The following ATP8A2 variants were observed in gnomAD, a reference collection of about 807,000 sequenced individuals.
ATP8A2 encodes the protein phospholipid-transporting ATPase IB.
In ATP8A2, 100 loss-of-function variants were observed where a neutral mutation model predicts 165.6. That is an observed-to-expected ratio of 0.60 (90% CI 0.51 to 0.71). ATP8A2 has a LOEUF of 0.71. ATP8A2 is among the 30% of genes least tolerant of loss of function. The pLI, the probability that ATP8A2 is intolerant of heterozygous loss-of-function variation, is 0.00. For synonymous variants in ATP8A2, 543 were observed against 548.8 expected, an observed-to-expected ratio of 0.99 and a Z score of 0.15; for missense variants, 1,227 against 1,479.5, an observed-to-expected ratio of 0.83 and a Z score of 2.80.
At chr13:25,876,225 G>T (rs1163835666) in intron 33 of ATP8A2, among the ~76,000 whole-genome samples, 9 of 152,220 alleles carry the variant, frequency 5.9e-5, no homozygotes, top group African/African-American at 2.2e-4. Flanking sequence ...GGCTGAAAGT[G>T]AAGGGTGGAT....
chr13:25,522,666 T>C (rs1236087013), intron 2 of ATP8A2, among the ~76,000 whole-genome samples: 1 of 152,248 alleles, frequency 6.6e-6, no homozygotes, highest in East Asian at 1.9e-4. Context: ...ACTAAAATGA[T>C]CACATGGTTT....
chr13:25,838,234 C>T (rs1017835805), intron 29 of ATP8A2, among the ~76,000 whole-genome samples: 3 of 152,196 alleles, frequency 2.0e-5, no homozygotes, highest in Non-Finnish European at 4.4e-5. Context: ...AGAGAACAGT[C>T]TCCCAGGGCC....
chr13:25,430,513 G>A (rs1400066375), intron 1 of ATP8A2, among the ~76,000 whole-genome samples: 3 of 152,176 alleles, frequency 2.0e-5, no homozygotes, highest in Non-Finnish European at 4.4e-5. Flanking sequence ...CACTGTAGTC[G>A]ACTGAGGAGT....
chr13:26,011,672 A>T (rs942093488), intron 35 of ATP8A2, among the ~76,000 whole-genome samples: 1 of 152,132 alleles, frequency 6.6e-6, no homozygotes, highest in Non-Finnish European at 1.5e-5. Context: ...GGTGGCTCAC[A>T]CCTGTAATCC....
At chr13:25,961,836 C>T (rs1270559847) in intron 34 of ATP8A2, among the ~76,000 whole-genome samples, 173 bp downstream of exon 34, 1 of 152,150 alleles carries the variant, frequency 6.6e-6, no homozygotes, top group African/African-American at 2.4e-5. Context: ...TGTGCTTCAT[C>T]TTGATATGAA....
rs558812849 is a variant in ATP8A2 at position 25,522,700 on chromosome 13, A to G, written c.222-7299A>G. On this transcript the variant is annotated intron_variant, in intron 2 of 36. Coordinates refer to ENST00000381655, the MANE Select transcript of ATP8A2 (RefSeq NM_016529.6). ...TTTTGTTCTTGGTTCTGTTAATGTC[A>G]TATATCACATTTATAGATTTGTATA... Among the ~76,000 whole-genome samples the G allele has an allele frequency of 2.0e-5, 3 of 152,322 alleles. No individual in the cohort carries two copies. In the South Asian group the frequency reaches 6.2e-4, roughly 32 times the overall value.
At chr13:25,702,441 G>A (rs1353094799) in intron 25 of ATP8A2, among the ~76,000 whole-genome samples, 4 of 152,102 alleles carry the variant, frequency 2.6e-5, no homozygotes, top group Admixed American at 6.5e-5. Flanking sequence ...TCCTAGAGAG[G>A]GCATATATAG....
At chr13:25,840,515 T>C (rs1387633795) in intron 30 of ATP8A2, among the ~76,000 whole-genome samples, 2 of 152,346 alleles carry the variant, frequency 1.3e-5, no homozygotes, top group Non-Finnish European at 2.9e-5. Context: ...CCACGTGATA[T>C]AGTCTTTCAA....
At chr13:25,591,263 C>T in intron 24 of ATP8A2, 1 of 456,488 alleles carries the variant, frequency 2.2e-6, no homozygotes, top group South Asian at 1.5e-5. Context: ...GAACTCTTTT[C>T]ATCTTCCCAA....
At chr13:25,902,869 ATGTCTGTGGTCTTT>A (rs1953801006) in intron 33 of ATP8A2, among the ~76,000 whole-genome samples, 1 of 151,380 alleles carries the variant, frequency 6.6e-6, no homozygotes, top group Non-Finnish European at 1.5e-5. Context: ...TTCCTCCTAA[ATGTCTGTGGTCTTT>A]CGGTCCCTGA....
At chr13:25,508,720 T>C (rs573071222) in intron 2 of ATP8A2, among the ~76,000 whole-genome samples, 1 of 152,368 alleles carries the variant, frequency 6.6e-6, no homozygotes, top group African/African-American at 2.4e-5. Flanking sequence ...CTTACATATT[T>C]GTATTAGATG....
In ATP8A2 at chr13:25,526,804, A is replaced by G. The variant is rs983315719; in HGVS notation, c.222-3195A>G. Among the ~76,000 whole-genome samples, 29 of 152,082 alleles carry G rather than the reference A, an allele frequency of 1.9e-4. 1 individual carries two copies. The highest frequency in any genetic ancestry group is 6.3e-3 in the Middle Eastern group (2 of 316). ...ACTTTGTCTCTGGCTGTCCCCAGGG[A>G]TATTTCTTCCTTCAAGCACTCCCCA... On this transcript the variant is annotated intron_variant, in intron 2 of 36. Transcript: ENST00000381655.
intron 2 of ATP8A2, among the ~76,000 whole-genome samples, chr13:25,474,390 T>C (rs2035933919): frequency 6.6e-6 from 1 of 151,898 alleles, no homozygotes; most frequent in African/African-American, 2.4e-5. Flanking sequence ...TGAAACCCCG[T>C]CTCTACTAAA....
chr13:25,414,611 A>C (rs560603902), intron 1 of ATP8A2, among the ~76,000 whole-genome samples: 3 of 152,346 alleles, frequency 2.0e-5, no homozygotes, highest in East Asian at 3.9e-4. Flanking sequence ...ACGTCATACT[A>C]ACCAGTCCCT....
chr13:25,441,953 T>C (rs2034942299), intron 1 of ATP8A2, among the ~76,000 whole-genome samples: 1 of 152,218 alleles, frequency 6.6e-6, no homozygotes, highest in Non-Finnish European at 1.5e-5. Context: ...TTCCACTTTC[T>C]GTCTCTAAGA....
At chr13:25,827,973 A>G (rs183448068) in intron 27 of ATP8A2, 145 bp from the exon 28 acceptor site, 210 of 647,704 alleles carry the variant, frequency 3.2e-4, no homozygotes, top group Middle Eastern at 3.0e-3. Flanking sequence ...TGTTTTATAA[A>G]GGAACAACTG....
At position 26,020,232 on chromosome 13, in the gene ATP8A2, A is replaced by G. The variant is rs1331758114; in HGVS notation, c.*247A>G. On this transcript the variant is annotated 3_prime_UTR_variant, in exon 37 of 37. Coordinates refer to ENST00000381655, the MANE Select transcript of ATP8A2 (RefSeq NM_016529.6). ...TAGCCTAACTTTTGTTTATGTCGTT[A>G]TGAAGCATTCAACTGTGCTCTGTGA... The G allele has an allele frequency of 1.7e-5, 9 of 541,888 alleles. No individual in the cohort carries two copies. Among genetic ancestry groups the G allele is most frequent in the South Asian group, 1.6e-4 (7 of 44,044 alleles). 33.6% of individuals were successfully genotyped at this position (541,888 alleles called of 1,614,324 possible). A position where few individuals can be genotyped will look rare whatever the true frequency, so the allele number is the denominator to read the frequency against.
Position 25,968,566 on chromosome 13 carries a change from A to G in ATP8A2, c.3273-9A>G. 1 of 1,612,212 alleles carries G rather than the reference A, an allele frequency of 6.2e-7. No individual in the cohort carries two copies. The highest frequency in any genetic ancestry group is 8.5e-7 in the Non-Finnish European group (1 of 1,179,292). ...GCCATGTTCGTTTTGTCTTTTCCTC[A>G]TAACACAGAGCCAAGCACACCTGCA... On this transcript the variant is annotated splice_polypyrimidine_tract_variant and intron_variant, in intron 34 of 36. Coordinates refer to ENST00000381655, the MANE Select transcript of ATP8A2 (RefSeq NM_016529.6).
chr13:25,809,800 C>T (rs1328166158), intron 27 of ATP8A2, among the ~76,000 whole-genome samples: 1 of 152,102 alleles, frequency 6.6e-6, no homozygotes, highest in Non-Finnish European at 1.5e-5. Flanking sequence ...CCCTCAATCT[C>T]CAGCTCCTGG....
Sources: gnomAD v4.1 joint callset for allele counts (sites outside exome capture counted in the v4.1 genomes callset) on GRCh38, gnomAD v4.1.1 for gene constraint, MANE v1.5 for transcripts, NCBI Gene and HGNC (gene_info 2026-07-23, HGNC 2026-07-21) for gene names.